The following ATF7IP2 variants were observed in gnomAD, a reference collection of about 807,000 sequenced individuals.
ATF7IP2 encodes the protein activating transcription factor 7 interacting protein 2.
In ATF7IP2, 42 loss-of-function variants were observed where a neutral mutation model predicts 64.2. The ratio of observed to expected loss-of-function variants is 0.65; its 90% CI spans 0.51 to 0.85. ATF7IP2 has a LOEUF of 0.85. Among genes scored for constraint, ATF7IP2 ranks in the 40% least tolerant of loss-of-function variants. The probability of loss-of-function intolerance (pLI) is 0.00; values close to 1 mark genes in which losing one functional copy is unlikely to be tolerated. For synonymous variants in ATF7IP2, 308 were observed against 272.8 expected (o/e 1.13, Z -1.27); for missense variants, 933 against 784.2 (o/e 1.19, Z -2.27).
chr16:10,438,080 G>C lies in ATF7IP2; in HGVS notation c.961-21G>C, dbSNP rs1172683664. ...TAAATTTGAAACGTAGGGTGTTTTG[G>C]TTTTTATTTTAAAATTCTAGGTCAG... On this transcript the variant is annotated intron_variant, in intron 6 of 13. Transcript: ENST00000562102. 2.0e-6 allele frequency: 3 copies of C among 1,515,864 alleles called. No individual in the cohort carries two copies. In the South Asian group the frequency reaches 4.0e-5, roughly 20 times the overall value. The allele number at this position is 1,515,864 out of a possible 1,614,324, so 93.9% of individuals were successfully genotyped here.
intron 5 of ATF7IP2, among the ~76,000 whole-genome samples, chr16:10,432,188 T>C (rs1184533102): frequency 6.6e-6 from 1 of 151,960 alleles, no homozygotes; most frequent in Non-Finnish European, 1.5e-5. Context: ...CTAAGTATGA[T>C]AGATAATATA....
At chr16:10,389,435 A>G (rs1191373049) in intron 1 of ATF7IP2, among the ~76,000 whole-genome samples, 2 of 152,164 alleles carry the variant, frequency 1.3e-5, no homozygotes, top group Non-Finnish European at 2.9e-5. Flanking sequence ...TAGGAAATCT[A>G]GCTAATTACA....
In ATF7IP2 at chr16:10,451,536, C is replaced by T. The variant is rs182412523; in HGVS notation, c.1195-5836C>T. Reference sequence around the variant, plus strand: ...TTCCTTTTCAAAAATTCTTTTTTCTCTAATCTTGTCTTCTCACTTTATTTC... The same window carrying T: ...TTCCTTTTCAAAAATTCTTTTTTCTTTAATCTTGTCTTCTCACTTTATTTC... On this transcript the variant is annotated intron_variant, in intron 8 of 13. Coordinates refer to ENST00000562102, the MANE Select transcript of ATF7IP2 (RefSeq NM_001393719.1). 8.6e-4 allele frequency among the ~76,000 whole-genome samples: 131 copies of T among 152,122 alleles called. 1 individual carries two copies. The Middle Eastern group carries it at 0.017, about 20-fold the overall frequency.
chr16:10,440,169 A>T (rs1055575018), intron 7 of ATF7IP2, among the ~76,000 whole-genome samples, 195 bp from the exon 8 acceptor site: 7 of 151,662 alleles, frequency 4.6e-5, no homozygotes, highest in African/African-American at 1.2e-4. Flanking sequence ...TCAAAAAAAA[A>T]TTTTTTTTAT....
At chr16:10,473,447 A>G (rs1429460105) in intron 10 of ATF7IP2, 32 bp from the exon 11 acceptor site, 4 of 1,345,294 alleles carry the variant, frequency 3.0e-6, no homozygotes, top group Non-Finnish European at 4.2e-6. Context: ...AATATTGTGT[A>G]ATAAATTTGT....
At chr16:10,422,340 A>C (rs976344993) in intron 3 of ATF7IP2, among the ~76,000 whole-genome samples, 2 of 152,082 alleles carry the variant, frequency 1.3e-5, no homozygotes, top group African/African-American at 4.8e-5. Flanking sequence ...AAACTTTGCA[A>C]ATTTTTTCCT....
chr16:10,400,684 C>CGT (rs1596438974), intron 1 of ATF7IP2, among the ~76,000 whole-genome samples: 3 of 151,876 alleles, frequency 2.0e-5, no homozygotes, highest in Admixed American at 6.6e-5. Flanking sequence ...CCTTTTTGTG[C>CGT]GTGTGTGTGT....
At chr16:10,401,554 T>C (rs1456598549) in intron 1 of ATF7IP2, among the ~76,000 whole-genome samples, 1 of 152,202 alleles carries the variant, frequency 6.6e-6, no homozygotes, top group East Asian at 1.9e-4. Context: ...GATATTGGTC[T>C]GTAGTTTCTT....
intron 9 of ATF7IP2, among the ~76,000 whole-genome samples, chr16:10,468,298 G>GT (rs2049657968): frequency 2.0e-5 from 3 of 152,124 alleles, no homozygotes; most frequent in Admixed American, 6.5e-5. Flanking sequence ...TTGAATTTGT[G>GT]TTTTTTTAAA....
Position 10,457,439 on chromosome 16 carries a change from C to T in ATF7IP2, c.1262C>T (p.Ser421Phe). 1.2e-6 allele frequency: 2 copies of T among 1,606,990 alleles called. No individual in the cohort carries two copies. Among genetic ancestry groups the T allele is most frequent in the Non-Finnish European group, 1.7e-6 (2 of 1,177,306 alleles). Residue 421 changes from serine to phenylalanine, a missense_variant, in exon 9 of 14, where the codon TCT (serine) becomes TTT (phenylalanine). By Grantham distance (155) the Ser-to-Phe change is radical. Transcript: ENST00000562102. ...TCAGTTAATAGTCCAATTGAAAAGT[C>T]TTCTGTGAATTATGAGCCTTCTAAC... ...LESVNSPIEK[S>F]SVNYEPSNPS...
intron 8 of ATF7IP2, chr16:10,454,103 G>C (rs574717755): frequency 6.6e-6 from 1 of 151,128 alleles, no homozygotes; most frequent in South Asian, 2.1e-4. Context: ...CTGTCATAAA[G>C]TTATCAGTAA....
chr16:10,423,263 A>T (rs776844439), intron 3 of ATF7IP2, among the ~76,000 whole-genome samples: 8 of 152,058 alleles, frequency 5.3e-5, no homozygotes, highest in Admixed American at 1.3e-4. Flanking sequence ...TAAATAAATA[A>T]ATTTATTTAA....
chr16:10,453,724 TCTC>T (rs1277267358), intron 8 of ATF7IP2, among the ~76,000 whole-genome samples: 2 of 152,078 alleles, frequency 1.3e-5, no homozygotes, highest in African/African-American at 2.4e-5. Context: ...TTCAAGCAAT[TCTC>T]CTACCTCAGC....
chr16:10,481,805 A>G (rs757636046), intron 13 of ATF7IP2, 31 bp from the exon 14 acceptor site: 7 of 1,528,676 alleles, frequency 4.6e-6, no homozygotes, highest in Middle Eastern at 1.8e-4. Context: ...ACCACTTTAA[A>G]AGCTATATTT....
chr16:10,433,908 T>C (rs2048336392), intron 6 of ATF7IP2, among the ~76,000 whole-genome samples: 1 of 152,146 alleles, frequency 6.6e-6, no homozygotes, highest in South Asian at 2.1e-4. Context: ...AAAAAGAGAA[T>C]GGGCTTTCAG....
intron 6 of ATF7IP2, among the ~76,000 whole-genome samples, chr16:10,437,528 C>T (rs531355438): frequency 6.6e-6 from 1 of 152,138 alleles, no homozygotes; most frequent in Admixed American, 6.5e-5. Flanking sequence ...TATAAAAATC[C>T]TTTGAGTATC....
chr16:10,431,354 C>T lies in ATF7IP2; in HGVS notation c.734C>T (p.Ala245Val). The T allele has an allele frequency of 6.2e-7, 1 of 1,614,174 alleles. No individual in the cohort carries two copies. The highest frequency in any genetic ancestry group is 8.5e-7 in the Non-Finnish European group (1 of 1,180,026). Residue 245 changes from alanine (A) to valine (V), a missense_variant, in exon 5 of 14, where the codon GCT becomes GTT. Coordinates refer to ENST00000562102, the MANE Select transcript of ATF7IP2 (RefSeq NM_001393719.1). The part of the protein sequence containing the change: ...LVNSVTSNNC[A>V]DDILKTDECS... Reference sequence around the variant, plus strand: ...AATTCAGTCACTTCTAACAACTGTGCTGATGACATTTTGAAAACTGATGAG... The same window carrying T: ...AATTCAGTCACTTCTAACAACTGTGTTGATGACATTTTGAAAACTGATGAG...
chr16:10,431,392 A>T lies in ATF7IP2; in HGVS notation c.772A>T (p.Ser258Cys), dbSNP rs1221446441. The change falls in exon 5 of 14, where the codon AGT becomes TGT. Residue 258 changes from serine to cysteine, a missense_variant. Physicochemically the swap from Ser to Cys is moderately radical, Grantham distance 112 (BLOSUM62 -1). Coordinates refer to ENST00000562102, the MANE Select transcript of ATF7IP2 (RefSeq NM_001393719.1). ...GAAAACTGATGAGTGTAGTAGAACC[A>T]GTATTTCAAATTGTGAAAGTGCAGA... ...ILKTDECSRTSISNCESADST... is the reference protein window; with the variant it reads ...ILKTDECSRTCISNCESADST... 1 of 1,612,488 alleles carries T rather than the reference A, an allele frequency of 6.2e-7. No individual in the cohort carries two copies. The highest frequency in any genetic ancestry group is 8.5e-7 in the Non-Finnish European group (1 of 1,178,720).
chr16:10,438,142 T>C lies in ATF7IP2; in HGVS notation c.1002T>C (p.Tyr334=), dbSNP rs760899306. The change falls in exon 7 of 14, where the codon TAT becomes TAC. Residue 334 remains tyrosine, a synonymous_variant. Coordinates refer to ENST00000562102, the MANE Select transcript of ATF7IP2 (RefSeq NM_001393719.1). ...AGCAGGAGATCTATAGCATAAATTATGAACTATTTGATAAGAAACTGAAAG... is the reference window on the plus strand; with the variant it reads ...AGCAGGAGATCTATAGCATAAATTACGAACTATTTGATAAGAAACTGAAAG... ...LIQQEIYSIN[Y]ELFDKKLKEL... 1.1e-5 allele frequency: 17 copies of C among 1,598,804 alleles called. No homozygotes were observed. The highest frequency in any genetic ancestry group is 4.1e-5 in the African/African-American group (3 of 73,826).
Sources: gnomAD v4.1 joint callset for allele counts (sites outside exome capture counted in the v4.1 genomes callset) on GRCh38, gnomAD v4.1.1 for gene constraint, MANE v1.5 for transcripts, NCBI Gene and HGNC (gene_info 2026-07-23, HGNC 2026-07-21) for gene names.